RPH3AL: variants seen among roughly 807,000 people sequenced by gnomAD.
RPH3AL encodes the protein rabphilin 3A like (without C2 domains), also known as rab effector Noc2.
A neutral mutation model predicts 43.1 loss-of-function variants in RPH3AL; 38 were observed. That is an observed-to-expected ratio of 0.88 (90% CI 0.68 to 1.15). The LOEUF is 1.15. Ranked by LOEUF, RPH3AL falls within the 50% of genes most tolerant of loss-of-function variation. RPH3AL has a pLI of 0.00. For synonymous variants in RPH3AL, 189 were observed against 176.3 expected (o/e 1.07, Z -0.57); for missense variants, 462 against 423.2 (o/e 1.09, Z -0.81).
At chr17:313,193 C>A (rs2043686622) in intron 5 of RPH3AL, among the ~76,000 whole-genome samples, 1 of 152,164 alleles carries the variant, frequency 6.6e-6, no homozygotes, top group African/African-American at 2.4e-5. Flanking sequence ...AGCAAATGGC[C>A]TCAGTCCCTA....
Position 215,639 on chromosome 17 carries a change from C to T in RPH3AL, c.876+15G>A. The T allele has an allele frequency of 7.9e-7, 1 of 1,265,782 alleles. No homozygotes were observed. Among genetic ancestry groups the T allele is most frequent in the Non-Finnish European group, 1.0e-6 (1 of 1,000,382 alleles). 78.4% of individuals were successfully genotyped at this position (1,265,782 alleles called of 1,614,324 possible). A position where few individuals can be genotyped will look rare whatever the true frequency, so the allele number is the denominator to read the frequency against. On this transcript the variant is annotated intron_variant, in intron 9 of 9. Transcript: ENST00000331302. This position sits in a 1 kb window ranked among gnomAD's most constrained non-coding sequence, Gnocchi z 4.1. ...GGGGGCAGGAGAGGGGAGAAGGCAG[C>T]AGTTGGGTACTCACCGGGGCCCTTC...
At chr17:347,175 G>A (rs552069170) in intron 1 of RPH3AL, among the ~76,000 whole-genome samples, 3 of 135,754 alleles carry the variant, frequency 2.2e-5, no homozygotes, top group African/African-American at 5.1e-5. Context: ...GGAGAATGGC[G>A]TGAACCCGGG....
intron 7 of RPH3AL, 63 bp downstream of exon 7, chr17:247,048 G>A (rs1043315368): frequency 4.4e-6 from 7 of 1,585,516 alleles, no homozygotes; most frequent in Non-Finnish European, 6.1e-6. Flanking sequence ...CCTGCAAACT[G>A]CCGGGCTGGC....
intron 7 of RPH3AL, among the ~76,000 whole-genome samples, chr17:243,540 A>T (rs550423806): frequency 7.8e-6 from 1 of 128,156 alleles, no homozygotes; most frequent in African/African-American, 3.1e-5. Context: ...TCCTCTATTG[A>T]TTACCTTCCT....
chr17:222,581 C>T (rs539617749), intron 7 of RPH3AL, among the ~76,000 whole-genome samples: 41 of 152,360 alleles, frequency 2.7e-4, no homozygotes, highest in Non-Finnish European at 3.7e-4. Context: ...AGTCATAATA[C>T]AGGATATAGC....
In RPH3AL at chr17:322,185, G is replaced by A. The variant is rs1392013124; in HGVS notation, c.78-770C>T. ...AGGTTGAGCTGTCTCTGCTCCACTG[G>A]GCTGCGGGACTGACGCCTCCTGAGG... On this transcript the variant is annotated intron_variant, in intron 3 of 9. Coordinates refer to ENST00000331302, the MANE Select transcript of RPH3AL (RefSeq NM_006987.4). The surrounding 1 kb of genome is among the most constrained non-coding windows in gnomAD (Gnocchi z 4.0). 6 of 152,350 alleles carry A rather than the reference G, an allele frequency of 3.9e-5. No individual in the cohort carries two copies. The highest frequency in any genetic ancestry group is 8.8e-5 in the Non-Finnish European group (6 of 68,162). The allele number at this position is 152,350 out of a possible 1,614,324, so 9.4% of individuals were successfully genotyped here.
intron 6 of RPH3AL, among the ~76,000 whole-genome samples, chr17:263,891 G>T (rs4985592): frequency 0.074 from 11,286 of 152,198 alleles, 573 homozygotes; most frequent in Admixed American, 0.12. Flanking sequence ...AGTCGGAATT[G>T]TGGCCGTGGG....
Position 323,698 on chromosome 17 carries a change from C to T in RPH3AL, c.78-2283G>A, listed in dbSNP as rs2044541483. ...AGAAGCATCAGCACCGCCACCACTGCCTGTCCTGATGGACACGGGTCCCAC... is the reference window on the plus strand; with the variant it reads ...AGAAGCATCAGCACCGCCACCACTGTCTGTCCTGATGGACACGGGTCCCAC... On this transcript the variant is annotated intron_variant, in intron 3 of 9. Transcript: ENST00000331302. The surrounding 1 kb of genome is among the most constrained non-coding windows in gnomAD (Gnocchi z 4.4). Among the ~76,000 whole-genome samples, 1 of 152,218 alleles carries T rather than the reference C, an allele frequency of 6.6e-6. No homozygotes were observed. The highest frequency in any genetic ancestry group is 1.5e-5 in the Non-Finnish European group (1 of 68,032).
At chr17:251,361 C>T (rs1555542493) in intron 6 of RPH3AL, among the ~76,000 whole-genome samples, 1 of 152,234 alleles carries the variant, frequency 6.6e-6, no homozygotes, top group African/African-American at 2.4e-5. Context: ...TCTCCTCCCC[C>T]ATTCCCAGAA....
Position 225,057 on chromosome 17 carries a change from T to C in RPH3AL, c.614-5321A>G, listed in dbSNP as rs2041077182. On this transcript the variant is annotated intron_variant, in intron 7 of 9. Coordinates refer to ENST00000331302, the MANE Select transcript of RPH3AL (RefSeq NM_006987.4). This position sits in a 1 kb window ranked among gnomAD's most constrained non-coding sequence, Gnocchi z 4.4. ...GCAGCACACCAACACGGCACATGTA[T>C]ACAGATGTAACAAACCTGCACGTTA... Among the ~76,000 whole-genome samples the C allele has an allele frequency of 6.6e-6, 1 of 150,584 alleles. No homozygotes were observed. Among genetic ancestry groups the C allele is most frequent in the South Asian group, 2.1e-4 (1 of 4,784 alleles).
chr17:304,508 A>G (rs923098781), intron 5 of RPH3AL, among the ~76,000 whole-genome samples: 9 of 152,208 alleles, frequency 5.9e-5, no homozygotes, highest in Admixed American at 5.2e-4. Flanking sequence ...CAACTGAGGC[A>G]CTGAGGCTGG....
At chr17:316,678 C>T (rs199934689) in intron 5 of RPH3AL, among the ~76,000 whole-genome samples, 1,048 of 77,106 alleles carry the variant, frequency 0.014, no homozygotes, top group African/African-American at 0.047. Context: ...CATTGACCTG[C>T]AGTCCCTGTG....
At chr17:227,604 G>C (rs2041136088) in intron 7 of RPH3AL, among the ~76,000 whole-genome samples, 1 of 152,182 alleles carries the variant, frequency 6.6e-6, no homozygotes, top group Non-Finnish European at 1.5e-5. Context: ...TGAATCCTGG[G>C]ATTTAACCTT....
intron 5 of RPH3AL, among the ~76,000 whole-genome samples, chr17:292,362 C>T (rs1329117901): frequency 6.6e-6 from 1 of 152,212 alleles, no homozygotes; most frequent in Non-Finnish European, 1.5e-5. Flanking sequence ...AACGTATAGA[C>T]AGTTCAGATA....
intron 5 of RPH3AL, among the ~76,000 whole-genome samples, chr17:318,438 C>G (rs1255162151): frequency 2.6e-5 from 4 of 152,036 alleles, no homozygotes; most frequent in Non-Finnish European, 5.9e-5. Flanking sequence ...TGGGTTCCAG[C>G]AAAACTAAGG....
chr17:237,691 C>T (rs766333107), intron 7 of RPH3AL, among the ~76,000 whole-genome samples: 2 of 152,166 alleles, frequency 1.3e-5, no homozygotes, highest in African/African-American at 2.4e-5. Context: ...AGGCCACAGC[C>T]CAGTGACAAG....
chr17:256,120 C>T (rs1467282949), intron 6 of RPH3AL, among the ~76,000 whole-genome samples: 14 of 3,664 alleles, frequency 3.8e-3, no homozygotes, highest in Non-Finnish European at 8.1e-3. Context: ...ATGAGGGGAG[C>T]CGCACGGCGT....
chr17:238,623 C>A (rs533565594), intron 7 of RPH3AL, among the ~76,000 whole-genome samples: 1 of 152,384 alleles, frequency 6.6e-6, no homozygotes, highest in South Asian at 2.1e-4. Flanking sequence ...CCTGACATCA[C>A]TGAAGCTGCT....
chr17:310,534 C>G (rs915794056), intron 5 of RPH3AL, among the ~76,000 whole-genome samples: 1 of 152,166 alleles, frequency 6.6e-6, no homozygotes, highest in Non-Finnish European at 1.5e-5. Flanking sequence ...CTGCAGCCAT[C>G]CGCAGAAGGT....
Sources: allele counts gnomAD v4.1 joint callset (sites outside exome capture counted in the v4.1 genomes callset), GRCh38; gene constraint gnomAD v4.1.1; non-coding constraint Gnocchi (gnomAD v3.1); transcripts MANE v1.5; gene names NCBI Gene and HGNC (gene_info 2026-07-23, HGNC 2026-07-21).